The following KLHL22 variants were observed in gnomAD, a reference collection of about 807,000 sequenced individuals.
The protein encoded by KLHL22 is kelch-like protein 22.
KLHL22 carries 18 observed loss-of-function variants against 60.7 expected under a neutral mutation model. That is an observed-to-expected ratio of 0.30 (90% CI 0.20 to 0.44). KLHL22 has a LOEUF of 0.44. Among genes scored for constraint, KLHL22 ranks in the 20% least tolerant of loss-of-function variants. The probability of loss-of-function intolerance (pLI) is 1.00; values close to 1 mark genes in which losing one functional copy is unlikely to be tolerated. For missense variants in KLHL22, 596 were observed against 852.3 expected, an observed-to-expected ratio of 0.70 and a Z score of 3.74; for synonymous variants, 355 against 354.5, an observed-to-expected ratio of 1.00 and a Z score of -0.01.
chr22:20,484,056 C>T, intron 2 of KLHL22: 1 of 965,996 alleles, frequency 1.0e-6, no homozygotes, highest in South Asian at 1.3e-5. Flanking sequence ...CTGGACAGAG[C>T]CCAGGGACCA....
intron 2 of KLHL22, among the ~76,000 whole-genome samples, chr22:20,477,921 G>A (rs1034966750): frequency 1.3e-5 from 2 of 152,126 alleles, no homozygotes; most frequent in Non-Finnish European, 2.9e-5. Flanking sequence ...TAGTATTACA[G>A]GTATGTCAAA....
chr22:20,450,760 T>G, intron 5 of KLHL22: 1 of 1,326,326 alleles, frequency 7.5e-7, no homozygotes, highest in Non-Finnish European at 1.1e-6. Context: ...GAAAGACTCC[T>G]TGCCCAGCCT....
chr22:20,466,645 T>G (rs993113194), intron 3 of KLHL22, among the ~76,000 whole-genome samples: 1 of 152,096 alleles, frequency 6.6e-6, no homozygotes, highest in Admixed American at 6.6e-5. Flanking sequence ...AGGAACCTGA[T>G]TTAGAATTAT....
chr22:20,462,050 A>AT (rs1387951911), intron 4 of KLHL22, among the ~76,000 whole-genome samples: 3 of 152,090 alleles, frequency 2.0e-5, no homozygotes, highest in Non-Finnish European at 4.4e-5. Flanking sequence ...GTGAGCCAAG[A>AT]TTGCACCATT....
rs144817667 is a variant in KLHL22 at position 20,443,945 on chromosome 22, G to T, written c.1540-1507C>A. On this transcript the variant is annotated intron_variant, in intron 6 of 6. Coordinates refer to ENST00000328879, the MANE Select transcript of KLHL22 (RefSeq NM_032775.4). ...CACCTGTAGTCCTCCTAGCTACTCC[G>T]GAGGCTGAAGCAGGAGAATCGCTTA... Among the ~76,000 whole-genome samples, 637 of 151,908 alleles carry T rather than the reference G, an allele frequency of 4.2e-3. 5 individuals carry two copies. Among genetic ancestry groups the T allele is most frequent in the Non-Finnish European group, 7.3e-3 (493 of 67,972 alleles).
intron 6 of KLHL22, among the ~76,000 whole-genome samples, chr22:20,445,808 G>A (rs940481021): frequency 6.6e-6 from 1 of 152,058 alleles, no homozygotes; most frequent in African/African-American, 2.4e-5. Flanking sequence ...CTGTCGCCCA[G>A]GCTGGAGTGC....
intron 2 of KLHL22, among the ~76,000 whole-genome samples, chr22:20,480,910 C>T (rs1043251339): frequency 2.7e-5 from 4 of 148,124 alleles, no homozygotes; most frequent in East Asian, 2.1e-4. Context: ...CGGCTCACTG[C>T]GAGCTCCGCC....
intron 2 of KLHL22, chr22:20,482,767 C>T (rs2053525355): frequency 2.3e-6 from 2 of 884,650 alleles, no homozygotes; most frequent in Admixed American, 2.1e-5. Flanking sequence ...GACCTCTGAA[C>T]TTTTTATTGG....
chr22:20,458,445 ATTTTTTTTTT>A (rs938534970), intron 4 of KLHL22, among the ~76,000 whole-genome samples: 2 of 90,478 alleles, frequency 2.2e-5, no homozygotes, highest in African/African-American at 4.3e-5. Flanking sequence ...AACGCCCGCT[ATTTTTTTTTT>A]TTTTTTTTTT....
At chr22:20,447,777 G>A (rs767435092) in intron 5 of KLHL22, among the ~76,000 whole-genome samples, 1 of 152,104 alleles carries the variant, frequency 6.6e-6, no homozygotes, top group Non-Finnish European at 1.5e-5. Flanking sequence ...TCCTGACCTC[G>A]TGACCCACCT....
intron 6 of KLHL22, among the ~76,000 whole-genome samples, chr22:20,443,002 T>C (rs5763911): frequency 0.039 from 5,903 of 152,282 alleles, 167 homozygotes; most frequent in South Asian, 0.1. Context: ...AACAAAGACA[T>C]GGAAAAATGT....
At position 20,469,263 on chromosome 22, in the gene KLHL22, G is replaced by A. The variant is rs888574270; in HGVS notation, c.393+2087C>T. ...CAAGCAATACCGAGAAGGATGACCT[G>A]TCCTCACATGGACGCAGGGAATTAA... On this transcript the variant is annotated intron_variant, in intron 3 of 6. Transcript: ENST00000328879. Among the ~76,000 whole-genome samples the A allele has an allele frequency of 5.3e-5, 8 of 152,300 alleles. No individual in the cohort carries two copies. In the East Asian group the frequency reaches 1.5e-3, roughly 29 times the overall value.
At chr22:20,474,981 G>A (rs1421549468) in intron 2 of KLHL22, among the ~76,000 whole-genome samples, 1 of 152,102 alleles carries the variant, frequency 6.6e-6, no homozygotes, top group Non-Finnish European at 1.5e-5. Flanking sequence ...CCACAAAAGG[G>A]AAAAACCTTA....
chr22:20,489,453 T>C (rs1233953283), intron 1 of KLHL22, among the ~76,000 whole-genome samples: 1 of 152,180 alleles, frequency 6.6e-6, no homozygotes, highest in Non-Finnish European at 1.5e-5. Context: ...CTGTGTGCCA[T>C]CATGCCCAAG....
Position 20,458,014 on chromosome 22 carries a change from T to G in KLHL22, c.1113-14A>C. 1 of 1,613,602 alleles carries G rather than the reference T, an allele frequency of 6.2e-7. No individual in the cohort carries two copies. Among genetic ancestry groups the G allele is most frequent in the Non-Finnish European group, 8.5e-7 (1 of 1,179,714 alleles). ...CGTGGGTCATACCTGTGCCGAGACA[T>G]GAGGAAAGCACAGCACTGACTAGGC... is the stretch of plus-strand genomic sequence containing the variant. On this transcript the variant is annotated splice_polypyrimidine_tract_variant and intron_variant, in intron 4 of 6. Coordinates refer to ENST00000328879, the MANE Select transcript of KLHL22 (RefSeq NM_032775.4).
Position 20,465,833 on chromosome 22 carries a change from G to C in KLHL22, c.394-257C>G, listed in dbSNP as rs2053226505. Among the ~76,000 whole-genome samples the C allele has an allele frequency of 6.6e-6, 1 of 151,832 alleles. No homozygotes were observed. The highest frequency in any genetic ancestry group is 2.1e-4 in the South Asian group (1 of 4,822). On this transcript the variant is annotated intron_variant, in intron 3 of 6. Coordinates refer to ENST00000328879, the MANE Select transcript of KLHL22 (RefSeq NM_032775.4). The surrounding 1 kb of genome is among the most constrained non-coding windows in gnomAD (Gnocchi z 4.9). ...TTTTGGTTTTGTTTTGCTTTTCTTT[G>C]AGACAAAGTTTCGCTCTTGTTGCCC...
At chr22:20,464,028 G>A (rs1224225888) in intron 4 of KLHL22, among the ~76,000 whole-genome samples, 1 of 152,210 alleles carries the variant, frequency 6.6e-6, no homozygotes, top group Non-Finnish European at 1.5e-5. Context: ...TCAGCATGAA[G>A]GGTAGGGAGA....
chr22:20,491,646 T>G (rs1249519508), intron 1 of KLHL22: 3 of 152,218 alleles, frequency 2.0e-5, no homozygotes, highest in Non-Finnish European at 4.4e-5. Context: ...CCATCCTTCA[T>G]GTGGTCTGGT....
Position 20,449,821 on chromosome 22 carries a change from C to T in KLHL22, c.1306-3145G>A, listed in dbSNP as rs558531761. 2.0e-5 allele frequency among the ~76,000 whole-genome samples: 3 copies of T among 152,316 alleles called. No individual in the cohort carries two copies. The South Asian group carries it at 6.2e-4, about 32-fold the overall frequency. ...GATGAAGTCCAGCTTATCAATTTTT[C>T]TTTTTATGGCTCATGCTTTTGGGGT... On this transcript the variant is annotated intron_variant, in intron 5 of 6. Transcript: ENST00000328879.
Sources: gnomAD v4.1 joint callset for allele counts (sites outside exome capture counted in the v4.1 genomes callset) on GRCh38, gnomAD v4.1.1 for gene constraint, Gnocchi (gnomAD v3.1) non-coding constraint, MANE v1.5 for transcripts, NCBI Gene and HGNC (gene_info 2026-07-23, HGNC 2026-07-21) for gene names.